Variants in ZNF264 observed in about 807,000 individuals in gnomAD.
ZNF264 encodes the protein zinc finger protein 264.
ZNF264 carries 11 observed loss-of-function variants against 11.2 expected under a neutral mutation model. The observed-to-expected ratio is 0.98, with a 90% CI of 0.62 to 1.63. ZNF264 has a LOEUF of 1.63. Ranked by LOEUF, ZNF264 falls within the 40% of genes most tolerant of loss-of-function variation. The pLI is 0.00. For missense variants in ZNF264, 752 were observed against 768.1 expected (o/e 0.98, Z 0.25); for synonymous variants, 309 against 279.8 (o/e 1.10, Z -1.04).
At chr19:57,208,713 A>G (rs1422279804) in intron 3 of ZNF264, among the ~76,000 whole-genome samples, 1 of 152,080 alleles carries the variant, frequency 6.6e-6, no homozygotes, top group African/African-American at 2.4e-5. Context: ...TTGGAGTGAA[A>G]TTATTGGTTT....
chr19:57,222,813 AGATAACTTGT>A lies in ZNF264; in HGVS notation c.*9836_*9845del, dbSNP rs1342153689. ...TTATAATTTCTGCATTATTAAATGC[AGATAACTTGT>A]GATTAAAGAGTATGTTATTGGAATC... On this transcript the variant is annotated 3_prime_UTR_variant, in exon 4 of 4. Transcript: ENST00000263095. 1.3e-5 allele frequency: 2 copies of A among 152,580 alleles called. No homozygotes were observed. The highest frequency in any genetic ancestry group is 2.9e-5 in the Non-Finnish European group (2 of 68,038). 9.5% of individuals were successfully genotyped at this position (152,580 alleles called of 1,614,324 possible).
intron 1 of ZNF264, 135 bp from the exon 2 acceptor site, chr19:57,193,740 G>T (rs1159486813): frequency 2.3e-6 from 3 of 1,308,164 alleles, no homozygotes; most frequent in Non-Finnish European, 3.2e-6. Flanking sequence ...CTTGAGCCCA[G>T]CACAGAGCTA....
chr19:57,213,146 A>G lies in ZNF264; in HGVS notation c.*165A>G. 1 of 583,602 alleles carries G rather than the reference A, an allele frequency of 1.7e-6. No individual in the cohort carries two copies. Among genetic ancestry groups the G allele is most frequent in the South Asian group, 4.0e-5 (1 of 24,908 alleles). The allele number at this position is 583,602 out of a possible 1,614,324, so 36.2% of individuals were successfully genotyped here. On this transcript the variant is annotated 3_prime_UTR_variant, in exon 4 of 4. Transcript: ENST00000263095. Reference sequence around the variant, plus strand: ...AGCTGCATCTTTCTCCTTAGTTTACAGTGCAATTTTATCTCAGGAATTATT... The same window carrying G: ...AGCTGCATCTTTCTCCTTAGTTTACGGTGCAATTTTATCTCAGGAATTATT...
rs796564773 is a variant in ZNF264, at chr19:57,193,205, G to A, written c.34-670G>A. Among the ~76,000 whole-genome samples the A allele has an allele frequency of 2.0e-5, 3 of 152,334 alleles. 1 individual carries two copies. The highest frequency in any genetic ancestry group is 7.2e-5 in the African/African-American group (3 of 41,576). On this transcript the variant is annotated intron_variant, in intron 1 of 3. Coordinates refer to ENST00000263095, the MANE Select transcript of ZNF264 (RefSeq NM_003417.5). The stretch of plus-strand genomic sequence containing the variant: ...TAGATCCTATCTATGGTGGTGAGAT[G>A]TGTGACTGGGTGAATTGATAGCGCT...
chr19:57,193,902 G>C lies in ZNF264; in HGVS notation c.61G>C (p.Val21Leu), dbSNP rs933799502. 1.2e-6 allele frequency: 2 copies of C among 1,613,948 alleles called. No individual in the cohort carries two copies. Among genetic ancestry groups the C allele is most frequent in the Non-Finnish European group, 1.7e-6 (2 of 1,179,974 alleles). ...GTCTGTGACCTTTGATGATGTGGCT[G>C]TGACTTTCACCAAGGAGGAGTGGGG... is the stretch of plus-strand genomic sequence containing the variant. ...QVSVTFDDVA[V>L]TFTKEEWGQL... Residue 21 changes from valine (V) to leucine (L), a missense_variant, in exon 2 of 4, where the codon GTG becomes CTG. By Grantham distance (32) the Val-to-Leu change is conservative (BLOSUM62 1). Transcript: ENST00000263095.
chr19:57,202,082 G>A (rs1182106614), intron 2 of ZNF264, among the ~76,000 whole-genome samples: 2 of 151,786 alleles, frequency 1.3e-5, no homozygotes, highest in Admixed American at 1.3e-4. Context: ...GGTGGCACAT[G>A]CCTGTAGTCC....
chr19:57,205,330 A>G, intron 2 of ZNF264, 67 bp from the exon 3 acceptor site: 1 of 1,474,200 alleles, frequency 6.8e-7, no homozygotes, highest in South Asian at 1.2e-5. Context: ...GAAGTCCCAA[A>G]CTAGATTGAA....
chr19:57,204,876 A>G (rs2087280459), intron 2 of ZNF264, among the ~76,000 whole-genome samples: 1 of 152,146 alleles, frequency 6.6e-6, no homozygotes, highest in Non-Finnish European at 1.5e-5. Context: ...GACAGCAGAG[A>G]TGGCAGGACC....
chr19:57,208,870 G>A (rs1156810780), intron 3 of ZNF264, among the ~76,000 whole-genome samples: 4 of 152,140 alleles, frequency 2.6e-5, no homozygotes, highest in Admixed American at 6.5e-5. Context: ...CTCATCAAAT[G>A]GACACAGAAT....
Position 57,212,878 on chromosome 19 carries a change from T to G in ZNF264, c.1781T>G (p.Phe594Cys). The part of the protein sequence containing the change: ...TLRELLLGKD[F>C]LNVTTEANIL... ...CGAGAACTTCTTTTAGGGAAGGACTTTTTGAATGTAACCACTGAGGCAAAT... is the reference window on the plus strand; with the variant it reads ...CGAGAACTTCTTTTAGGGAAGGACTGTTTGAATGTAACCACTGAGGCAAAT... The change falls in exon 4 of 4, where the codon TTT (phenylalanine) becomes TGT (cysteine). Residue 594 changes from phenylalanine to cysteine, a missense_variant. Transcript: ENST00000263095. 1.9e-6 allele frequency: 3 copies of G among 1,614,186 alleles called. No homozygotes were observed. Among genetic ancestry groups the G allele is most frequent in the Non-Finnish European group, 1.7e-6 (2 of 1,180,026 alleles).
In ZNF264 at chr19:57,219,690, A is replaced by G. The variant is rs1349432025; in HGVS notation, c.*6709A>G. 1.3e-5 allele frequency: 2 copies of G among 152,296 alleles called. No individual in the cohort carries two copies. Among genetic ancestry groups the G allele is most frequent in the African/African-American group, 2.4e-5 (1 of 41,558 alleles). The allele number at this position is 152,296 out of a possible 1,614,324, so 9.4% of individuals were successfully genotyped here. ...TAAACATTTTTGTTTCCCAGAATCC[A>G]TCATTGGCCATTGCTTTTTCACTTG... On this transcript the variant is annotated 3_prime_UTR_variant, in exon 4 of 4. Transcript: ENST00000263095.
At chr19:57,193,638 T>A in intron 1 of ZNF264, 1 of 793,714 alleles carries the variant, frequency 1.3e-6, no homozygotes, top group Non-Finnish European at 1.5e-6. Flanking sequence ...CCACAAGTTG[T>A]TTCCGTTGTC....
In ZNF264 at chr19:57,213,342, G is replaced by A. The variant is rs116479385; in HGVS notation, c.*361G>A. On this transcript the variant is annotated 3_prime_UTR_variant, in exon 4 of 4. Coordinates refer to ENST00000263095, the MANE Select transcript of ZNF264 (RefSeq NM_003417.5). The stretch of plus-strand genomic sequence containing the variant: ...TTATGTGCTTGTATGTACATTTATT[G>A]CTATCCAGTGTCAGAACAGTTAGTT... 0.022 allele frequency: 3,954 copies of A among 179,094 alleles called. 159 individuals are homozygous for A. The highest frequency in any genetic ancestry group is 0.09 in the African/African-American group (3,785 of 42,272). 11.1% of individuals were successfully genotyped at this position (179,094 alleles called of 1,614,324 possible). A position where few individuals can be genotyped will look rare whatever the true frequency, so the allele number is the denominator to read the frequency against.
At position 57,215,536 on chromosome 19, in the gene ZNF264, T is replaced by C. The variant is rs931566879; in HGVS notation, c.*2555T>C. The C allele has an allele frequency of 6.6e-6, 1 of 152,326 alleles. No homozygotes were observed. Among genetic ancestry groups the C allele is most frequent in the Admixed American group, 6.5e-5 (1 of 15,300 alleles). The allele number at this position is 152,326 out of a possible 1,614,324, so 9.4% of individuals were successfully genotyped here. ...TTGTCTCTATTCTTGATTTCTTTGA[T>C]TTCTGCTCTGATCGGTATTATATTC... On this transcript the variant is annotated 3_prime_UTR_variant, in exon 4 of 4. Transcript: ENST00000263095.
At chr19:57,205,946 G>A (rs1399102061) in intron 3 of ZNF264, among the ~76,000 whole-genome samples, 1 of 152,194 alleles carries the variant, frequency 6.6e-6, no homozygotes, top group Non-Finnish European at 1.5e-5. Context: ...GTGGGTCAGC[G>A]AGGAGCTCTG....
Position 57,221,776 on chromosome 19 carries a change from C to CT in ZNF264, c.*8798dup, listed in dbSNP as rs1036058540. ...CTTTTCAGCTGAAAACGTTATCCCC[C>CT]TTTCAGCTGGGGGGAAAAAAAGGCA... is the stretch of plus-strand genomic sequence containing the variant. On this transcript the variant is annotated 3_prime_UTR_variant, in exon 4 of 4. Transcript: ENST00000263095. 3.8e-4 allele frequency: 58 copies of CT among 152,182 alleles called. No homozygotes were observed. Among genetic ancestry groups the CT allele is most frequent in the African/African-American group, 1.4e-3 (58 of 41,526 alleles). The allele number at this position is 152,182 out of a possible 1,614,324, so 9.4% of individuals were successfully genotyped here.
chr19:57,201,656 G>A (rs2087254457), intron 2 of ZNF264, among the ~76,000 whole-genome samples: 2 of 151,916 alleles, frequency 1.3e-5, no homozygotes, highest in Admixed American at 1.3e-4. Context: ...GTGCCAGCTG[G>A]GGAATTACTG....
rs768082987 is a variant in ZNF264 at position 57,212,991 on chromosome 19, C to T, written c.*10C>T. 6.3e-7 allele frequency: 1 copy of T among 1,596,916 alleles called. No individual in the cohort carries two copies. Among genetic ancestry groups the T allele is most frequent in the African/African-American group, 1.3e-5 (1 of 74,254 alleles). On this transcript the variant is annotated 3_prime_UTR_variant, in exon 4 of 4. Coordinates refer to ENST00000263095, the MANE Select transcript of ZNF264 (RefSeq NM_003417.5). Reference sequence around the variant, plus strand: ...AGTGTCTTCACTGTGAGAAAACCTTCTGTTGCTGAATATTACTTGTCATCT... The same window carrying T: ...AGTGTCTTCACTGTGAGAAAACCTTTTGTTGCTGAATATTACTTGTCATCT...
chr19:57,207,795 C>T (rs1046039377), intron 3 of ZNF264, among the ~76,000 whole-genome samples: 2 of 151,466 alleles, frequency 1.3e-5, no homozygotes, highest in African/African-American at 2.4e-5. Flanking sequence ...GGCGCAATCT[C>T]GGCTTACTGC....
Sources: gnomAD v4.1 joint callset for allele counts (sites outside exome capture counted in the v4.1 genomes callset) on GRCh38, gnomAD v4.1.1 for gene constraint, MANE v1.5 for transcripts, NCBI Gene and HGNC (gene_info 2026-07-23, HGNC 2026-07-21) for gene names.